APOLD1: variants seen among roughly 807,000 people sequenced by gnomAD.
The protein encoded by APOLD1 is apolipoprotein L domain-containing protein 1.
APOLD1 carries 22 observed loss-of-function variants against 15.3 expected under a neutral mutation model. The ratio of observed to expected loss-of-function variants is 1.44; its 90% confidence interval spans 1.03 to 2.05. APOLD1 has a LOEUF of 2.05. APOLD1 is among the 30% of genes most tolerant of loss of function. The pLI, the probability that APOLD1 is intolerant of heterozygous loss-of-function variation, is 0.00. For missense variants in APOLD1, 394 were observed against 353.5 expected, an observed-to-expected ratio of 1.11 and a Z score of -0.92; for synonymous variants, 190 against 167.4, an observed-to-expected ratio of 1.13 and a Z score of -1.04.
intron 1 of APOLD1, among the ~76,000 whole-genome samples, chr12:12,763,954 T>TTTTATTTA (rs556317238): frequency 5.3e-5 from 8 of 151,894 alleles, no homozygotes; most frequent in African/African-American, 1.2e-4. Flanking sequence ...AGCACATTAT[T>TTTTATTTA]TTTATTTATT....
intron 1 of APOLD1, among the ~76,000 whole-genome samples, chr12:12,732,975 A>G (rs937918478): frequency 6.6e-6 from 1 of 152,116 alleles, no homozygotes; most frequent in Non-Finnish European, 1.5e-5. Context: ...AAGGGTACAA[A>G]TTATAGCCAT....
intron 1 of APOLD1, among the ~76,000 whole-genome samples, chr12:12,765,158 G>T (rs1300863304): frequency 6.6e-6 from 1 of 152,158 alleles, no homozygotes; most frequent in African/African-American, 2.4e-5. Flanking sequence ...TCTGATGAAG[G>T]GCTCAGGAAG....
chr12:12,766,636 G>A (rs1946944424), intron 1 of APOLD1, among the ~76,000 whole-genome samples: 1 of 152,140 alleles, frequency 6.6e-6, no homozygotes, highest in Non-Finnish European at 1.5e-5. Flanking sequence ...ATCACCTAAG[G>A]TCAGGAGTTT....
At chr12:12,775,521 G>T (rs1947023926) in intron 1 of APOLD1, among the ~76,000 whole-genome samples, 1 of 152,170 alleles carries the variant, frequency 6.6e-6, no homozygotes, top group African/African-American at 2.4e-5. Flanking sequence ...GAGAAGTTAT[G>T]CATGTGTGAG....
At chr12:12,761,861 A>AGAGAGAGAGAGAGG in intron 1 of APOLD1, among the ~76,000 whole-genome samples, 1 of 145,416 alleles carries the variant, frequency 6.9e-6, no homozygotes, top group South Asian at 2.2e-4. Flanking sequence ...AGAGAGAGAG[A>AGAGAGAGAGAGAGG]GTCTTGCTCT....
At chr12:12,783,368 C>T (rs535913184), upstream of APOLD1, among the ~76,000 whole-genome samples, 8 of 151,496 alleles carry the variant, frequency 5.3e-5, no homozygotes, top group South Asian at 1.7e-3. Context: ...TGGAGTGCAG[C>T]GGTGTGATCT....
At chr12:12,745,755 G>T (rs1946760710) in intron 1 of APOLD1, among the ~76,000 whole-genome samples, 1 of 152,088 alleles carries the variant, frequency 6.6e-6, no homozygotes, top group Admixed American at 6.5e-5. Context: ...ACTCAGAATA[G>T]CACAAATAGT....
At chr12:12,761,951 C>A (rs1321513187) in intron 1 of APOLD1, among the ~76,000 whole-genome samples, 2 of 150,624 alleles carry the variant, frequency 1.3e-5, no homozygotes, top group African/African-American at 4.9e-5. Context: ...TCCTATTGAC[C>A]CAGCCTCCCA....
At position 12,739,802 on chromosome 12, in the gene APOLD1, C is replaced by G. The variant is rs1487388671; in HGVS notation, c.96+13706C>G. Among the ~76,000 whole-genome samples, 11 of 136,264 alleles carry G rather than the reference C, an allele frequency of 8.1e-5. No individual in the cohort carries two copies. The East Asian group carries it at 2.4e-3, about 30-fold the overall frequency. 89.4% of individuals were successfully genotyped at this position (136,264 alleles called of 152,430 possible). On this transcript the variant is annotated intron_variant, in intron 1 of 1. Transcript: ENST00000326765. ...TCATTAAGGAGTATATTTCTCAGATCCTACCAGATCCTACTTTTTTTTTTT... is the reference window on the plus strand; with the variant it reads ...TCATTAAGGAGTATATTTCTCAGATGCTACCAGATCCTACTTTTTTTTTTT...
chr12:12,783,166 A>G (rs563282543), upstream of APOLD1, among the ~76,000 whole-genome samples: 2 of 152,282 alleles, frequency 1.3e-5, no homozygotes, highest in East Asian at 1.9e-4. Flanking sequence ...AGATCATGCC[A>G]CTGTACTCTA....
At chr12:12,728,692 G>T (rs1267401175) in intron 1 of APOLD1, among the ~76,000 whole-genome samples, 3 of 100,684 alleles carry the variant, frequency 3.0e-5, no homozygotes, top group East Asian at 4.9e-4. Context: ...AAAAAAAAAA[G>T]AGAGAGAAAG....
chr12:12,732,495 C>T (rs1050265589), intron 1 of APOLD1, among the ~76,000 whole-genome samples: 99 of 152,078 alleles, frequency 6.5e-4, no homozygotes, highest in African/African-American at 2.3e-3. Flanking sequence ...GAGGCTGAGG[C>T]GAGAGGATCA....
At chr12:12,735,774 A>G (rs58864590) in intron 1 of APOLD1, among the ~76,000 whole-genome samples, 28,165 of 134,556 alleles carry the variant, frequency 0.21, 3,009 homozygotes, top group Admixed American at 0.29. Flanking sequence ...CCTCATTTCT[A>G]CAATAAATAA....
rs1215749444 is a variant in APOLD1 at position 12,787,033 on chromosome 12, G to C, written c.128G>C (p.Arg43Pro). 6.5e-6 allele frequency: 9 copies of C among 1,374,436 alleles called. No individual in the cohort carries two copies. The highest frequency in any genetic ancestry group is 4.6e-5 in the African/African-American group (3 of 65,090). 85.1% of individuals were successfully genotyped at this position (1,374,436 alleles called of 1,614,324 possible). A position where few individuals can be genotyped will look rare whatever the true frequency, so the allele number is the denominator to read the frequency against. The change falls in exon 2 of 2, where the codon CGG (arginine) becomes CCG (proline). Residue 43 changes from arginine to proline, a missense_variant. Transcript: ENST00000356591. This position sits in a 1 kb window ranked among gnomAD's most constrained non-coding sequence, Gnocchi z 4.9. ...GQVLRLREVA[R>P]RLERLRRRSL... ...GTGCTGCGCCTGCGCGAGGTGGCCC[G>C]GCGCCTGGAGCGCCTGCGCAGGCGC...
At chr12:12,726,091 G>A (rs1232938118) in exon 1 of APOLD1, 12 of 1,482,926 alleles carry the variant, frequency 8.1e-6, no homozygotes, top group Admixed American at 6.5e-5. Context: ...CCCCTGCCTT[G>A]GAAAGGTAGA....
intron 1 of APOLD1, among the ~76,000 whole-genome samples, chr12:12,780,513 A>G (rs1230300010): frequency 6.6e-6 from 1 of 151,984 alleles, no homozygotes; most frequent in Non-Finnish European, 1.5e-5. Flanking sequence ...AACAGATGAC[A>G]AAGGAAAGTC....
chr12:12,785,724 G>A lies in APOLD1; in HGVS notation c.3+30G>A, dbSNP rs148274038. The stretch of plus-strand genomic sequence containing the variant: ...GTGGGGAACCCTGAGGCATATATTC[G>A]GGATGACTTTTTCTCATTTTCTCTT... On this transcript the variant is annotated intron_variant, in intron 1 of 1. Coordinates refer to ENST00000356591, the MANE Select transcript of APOLD1 (RefSeq NM_030817.3). 738 of 1,603,278 alleles carry A rather than the reference G, an allele frequency of 4.6e-4. 4 individuals are homozygous for A. In the African/African-American group the frequency reaches 9.0e-3, roughly 19 times the overall value.
At chr12:12,733,619 T>C (rs965623067) in intron 1 of APOLD1, among the ~76,000 whole-genome samples, 2 of 152,224 alleles carry the variant, frequency 1.3e-5, no homozygotes, top group African/African-American at 4.8e-5. Flanking sequence ...TTCTTTTTTT[T>C]TGAGACAGAG....
At chr12:12,783,630 G>GTT (rs60822688), upstream of APOLD1, among the ~76,000 whole-genome samples, 21 of 123,992 alleles carry the variant, frequency 1.7e-4, no homozygotes, top group South Asian at 5.1e-4. Flanking sequence ...GTTTTTTTTT[G>GTT]TTTTTTTTTT....
Sources: allele counts gnomAD v4.1 joint callset (sites outside exome capture counted in the v4.1 genomes callset), GRCh38; gene constraint gnomAD v4.1.1; non-coding constraint Gnocchi (gnomAD v3.1); transcripts MANE v1.5; gene names NCBI Gene and HGNC (gene_info 2026-07-23, HGNC 2026-07-21).